STK32B: variants seen among roughly 807,000 people sequenced by gnomAD.
The protein encoded by STK32B is serine/threonine kinase 32B.
In STK32B, 43 loss-of-function variants were observed where a neutral mutation model predicts 52.6. That is an observed-to-expected ratio of 0.82 (90% confidence interval 0.64 to 1.05). The LOEUF is 1.05. STK32B is among the 50% of genes least tolerant of loss of function. STK32B has a pLI of 0.00. For synonymous variants in STK32B, 238 were observed against 204.3 expected (o/e 1.17, Z -1.41); for missense variants, 621 against 534.6 (o/e 1.16, Z -1.59).
chr4:5,341,705 G>T (rs1577371327), intron 4 of STK32B, among the ~76,000 whole-genome samples: 1 of 152,148 alleles, frequency 6.6e-6, no homozygotes, highest in African/African-American at 2.4e-5. Flanking sequence ...TGGTTCTGCG[G>T]GCTGCACGGG....
intron 2 of STK32B, among the ~76,000 whole-genome samples, chr4:5,149,367 TTTTA>T (rs1349946831): frequency 6.6e-6 from 1 of 151,942 alleles, no homozygotes; most frequent in South Asian, 2.1e-4. Flanking sequence ...TCTATTGTTG[TTTTA>T]TTTGTTTTCT....
chr4:5,414,137 A>G (rs1428334441), intron 5 of STK32B, among the ~76,000 whole-genome samples: 4 of 152,172 alleles, frequency 2.6e-5, no homozygotes, highest in Admixed American at 6.5e-5. Context: ...CAGACATCCT[A>G]TGGAATACTG....
At chr4:5,059,603 G>A (rs983098408) in intron 1 of STK32B, among the ~76,000 whole-genome samples, 7 of 152,108 alleles carry the variant, frequency 4.6e-5, no homozygotes, top group Non-Finnish European at 8.8e-5. Flanking sequence ...ATTTGCCAAC[G>A]TTTTGTTTAT....
chr4:5,458,468 C>A (rs1716756559), intron 8 of STK32B: 4 of 152,194 alleles, frequency 2.6e-5, no homozygotes. Flanking sequence ...AAAGCTGAGG[C>A]ATAGGAAACC....
At chr4:5,173,968 CT>C (rs1413325225) in intron 3 of STK32B, among the ~76,000 whole-genome samples, 2 of 152,114 alleles carry the variant, frequency 1.3e-5, no homozygotes, top group Non-Finnish European at 2.9e-5. Context: ...TAAGGACTTG[CT>C]TTATAAATCT....
chr4:5,247,141 C>A (rs541323537), intron 3 of STK32B, among the ~76,000 whole-genome samples: 1 of 152,204 alleles, frequency 6.6e-6, no homozygotes, highest in Non-Finnish European at 1.5e-5. Flanking sequence ...TTATTGCTGT[C>A]TTTTGTTTGT....
intron 4 of STK32B, among the ~76,000 whole-genome samples, chr4:5,336,601 C>T (rs1411810416): frequency 6.6e-6 from 1 of 151,928 alleles, no homozygotes; most frequent in Non-Finnish European, 1.5e-5. Context: ...TCTTATGAAT[C>T]AAAATTGTGA....
rs1253340182 is a variant in STK32B at position 5,051,863 on chromosome 4, T to G, written c.-1T>G. The G allele has an allele frequency of 6.3e-7, 1 of 1,597,062 alleles. No individual in the cohort carries two copies. Among genetic ancestry groups the G allele is most frequent in the Non-Finnish European group, 8.5e-7 (1 of 1,172,596 alleles). On this transcript the variant is annotated 5_prime_UTR_variant, in exon 1 of 12. Transcript: ENST00000282908. ...TGTAGCAGCGGCAGCAACGGCGGAA[T>G]ATGGGCGGGAACCACTCCCACAAGC...
intron 3 of STK32B, among the ~76,000 whole-genome samples, chr4:5,170,376 G>A (rs1481118813): frequency 1.3e-5 from 2 of 152,070 alleles, no homozygotes; most frequent in African/African-American, 2.4e-5. Context: ...TGTTACATAT[G>A]TATACATGTG....
At chr4:5,035,710 A>G in the STK32B span, among the ~76,000 whole-genome samples, 1 of 152,308 alleles carries the variant, frequency 6.6e-6, no homozygotes, top group Non-Finnish European at 1.5e-5. Context: ...GGATCTTTTT[A>G]AACATTTGTA....
intron 4 of STK32B, among the ~76,000 whole-genome samples, chr4:5,356,004 A>G (rs976797167): frequency 2.0e-5 from 3 of 152,152 alleles, no homozygotes; most frequent in Non-Finnish European, 2.9e-5. Context: ...ACCCAGGAGG[A>G]TGCCACTGAG....
chr4:5,319,147 C>T (rs1468832649), intron 3 of STK32B, among the ~76,000 whole-genome samples: 2 of 152,160 alleles, frequency 1.3e-5, no homozygotes, highest in Non-Finnish European at 2.9e-5. Flanking sequence ...GTGTCAGTCA[C>T]TTTTCCAGTC....
intron 1 of STK32B, among the ~76,000 whole-genome samples, chr4:5,096,986 G>A (rs2108789136): frequency 6.6e-6 from 1 of 152,322 alleles, no homozygotes; most frequent in East Asian, 1.9e-4. Context: ...CTCTACAGAA[G>A]AGGAAATCGA....
chr4:5,227,243 G>T (rs984524116), intron 3 of STK32B, among the ~76,000 whole-genome samples: 1 of 152,118 alleles, frequency 6.6e-6, no homozygotes, highest in Non-Finnish European at 1.5e-5. Context: ...TACAGAATCC[G>T]AAATCATGTC....
intron 4 of STK32B, among the ~76,000 whole-genome samples, chr4:5,339,664 T>C (rs1465086123): frequency 6.6e-6 from 1 of 152,168 alleles, no homozygotes. Context: ...ATCCCACAAA[T>C]GCAAGCCTGG....
chr4:5,356,284 C>G (rs1734166343), intron 4 of STK32B, among the ~76,000 whole-genome samples: 1 of 152,188 alleles, frequency 6.6e-6, no homozygotes, highest in African/African-American at 2.4e-5. Context: ...TCAAATATCT[C>G]TTTCCCTTAA....
chr4:5,443,251 G>A (rs1257166044), intron 6 of STK32B, among the ~76,000 whole-genome samples: 3 of 147,082 alleles, frequency 2.0e-5, no homozygotes, highest in Non-Finnish European at 3.0e-5. Flanking sequence ...CCAATCAGAC[G>A]TAGATTTGGT....
At chr4:5,408,339 G>A (rs1737810223) in intron 5 of STK32B, among the ~76,000 whole-genome samples, 1 of 151,954 alleles carries the variant, frequency 6.6e-6, no homozygotes, top group Admixed American at 6.6e-5. Context: ...TGTGAGCTCT[G>A]GTTGTTTAAA....
chr4:5,328,226 C>T (rs1184178011), intron 3 of STK32B, among the ~76,000 whole-genome samples: 1 of 152,194 alleles, frequency 6.6e-6, no homozygotes, highest in Non-Finnish European at 1.5e-5. Context: ...GGCTGTTTGG[C>T]TTTCATGTCT....
Sources: gnomAD v4.1 joint callset for allele counts (sites outside exome capture counted in the v4.1 genomes callset) on GRCh38, gnomAD v4.1.1 for gene constraint, MANE v1.5 for transcripts, NCBI Gene and HGNC (gene_info 2026-07-23, HGNC 2026-07-21) for gene names.